PRKAR2B: variants seen among roughly 807,000 people sequenced by gnomAD.
The protein encoded by PRKAR2B is cAMP-dependent protein kinase type II-beta regulatory subunit.
Under a neutral mutation model 49.9 loss-of-function variants are expected in PRKAR2B, and 14 were observed. That is an observed-to-expected ratio of 0.28 (90% confidence interval 0.19 to 0.44). PRKAR2B has a LOEUF of 0.44. PRKAR2B is among the 20% of genes least tolerant of loss of function. PRKAR2B has a pLI of 1.00. For synonymous variants in PRKAR2B, 196 were observed against 197.7 expected (o/e 0.99, Z 0.07); for missense variants, 393 against 537.9 (o/e 0.73, Z 2.67).
At chr7:107,101,453 A>G (rs1337382806) in intron 2 of PRKAR2B, among the ~76,000 whole-genome samples, 1 of 152,164 alleles carries the variant, frequency 6.6e-6, no homozygotes, top group African/African-American at 2.4e-5. Flanking sequence ...GCCTAGAGAT[A>G]TGTAGAGGGC....
intron 1 of PRKAR2B, among the ~76,000 whole-genome samples, chr7:107,059,028 G>T (rs548990124): frequency 2.0e-5 from 3 of 152,154 alleles, no homozygotes; most frequent in Non-Finnish European, 4.4e-5. Context: ...GCTCACGCCT[G>T]TATTCCCAGC....
At chr7:107,099,328 A>G (rs1001497292) in intron 2 of PRKAR2B, among the ~76,000 whole-genome samples, 19 of 152,190 alleles carry the variant, frequency 1.2e-4, no homozygotes, top group African/African-American at 4.6e-4. Context: ...GGCGCGGGAT[A>G]TAATCTCCTG....
At chr7:107,092,637 A>G (rs1011596926) in intron 2 of PRKAR2B, among the ~76,000 whole-genome samples, 3 of 152,102 alleles carry the variant, frequency 2.0e-5, no homozygotes, top group Non-Finnish European at 4.4e-5. Flanking sequence ...GAAGAGCAAA[A>G]ATTTATGTTT....
At chr7:107,134,961 A>G (rs909351721) in intron 4 of PRKAR2B, among the ~76,000 whole-genome samples, 1 of 152,186 alleles carries the variant, frequency 6.6e-6, no homozygotes, top group African/African-American at 2.4e-5. Flanking sequence ...ATAAGCAGAA[A>G]AGAAAAAAGA....
At chr7:107,068,572 C>T (rs1171219205) in intron 1 of PRKAR2B, 1 of 151,960 alleles carries the variant, frequency 6.6e-6, no homozygotes, top group East Asian at 1.9e-4. Flanking sequence ...TGTGACTGTG[C>T]AAGTATATGA....
At chr7:107,116,283 T>C (rs1190903902) in intron 2 of PRKAR2B, among the ~76,000 whole-genome samples, 1 of 152,194 alleles carries the variant, frequency 6.6e-6, no homozygotes, top group Non-Finnish European at 1.5e-5. Context: ...GTTAATTCTT[T>C]AGGGAACCTC....
chr7:107,134,779 A>AT (rs1469754918), intron 4 of PRKAR2B, among the ~76,000 whole-genome samples: 2 of 152,222 alleles, frequency 1.3e-5, no homozygotes, highest in Non-Finnish European at 2.9e-5. Flanking sequence ...GAATCCCTGG[A>AT]TATCCACACA....
At chr7:107,087,922 C>G (rs564914824) in intron 2 of PRKAR2B, among the ~76,000 whole-genome samples, 1 of 150,046 alleles carries the variant, frequency 6.7e-6, no homozygotes, top group African/African-American at 2.4e-5. Context: ...TATTTTAACT[C>G]AGGGTCCTCA....
intron 1 of PRKAR2B, 147 bp from the exon 2 acceptor site, chr7:107,070,134 A>T: frequency 2.0e-6 from 1 of 511,900 alleles, no homozygotes; most frequent in Non-Finnish European, 3.4e-6. Flanking sequence ...TTCAGCATTT[A>T]ATTTTTGTAT....
At chr7:107,129,491 G>T (rs59681798) in intron 4 of PRKAR2B, among the ~76,000 whole-genome samples, 10 of 152,252 alleles carry the variant, frequency 6.6e-5, no homozygotes, top group South Asian at 2.1e-4. Flanking sequence ...GGCCCTGTAC[G>T]CGCACTAGGC....
chr7:107,121,804 G>A (rs1795393903), intron 2 of PRKAR2B, 148 bp from the exon 3 acceptor site: 1 of 408,722 alleles, frequency 2.4e-6, no homozygotes, highest in East Asian at 3.7e-5. Context: ...AACCAATTTT[G>A]GGGGGTAGAC....
chr7:107,153,382 C>T, intron 8 of PRKAR2B, 131 bp downstream of exon 8: 2 of 535,778 alleles, frequency 3.7e-6, no homozygotes, highest in East Asian at 3.2e-5. Context: ...ATTACTTCTA[C>T]CAAATGACCT....
intron 2 of PRKAR2B, among the ~76,000 whole-genome samples, chr7:107,085,366 C>T (rs1024393449): frequency 1.3e-5 from 2 of 152,100 alleles, no homozygotes; most frequent in African/African-American, 2.4e-5. Context: ...TCATGTTTCT[C>T]ACTGTAAGGT....
chr7:107,068,143 G>A (rs1211446561), intron 1 of PRKAR2B, among the ~76,000 whole-genome samples: 1 of 152,144 alleles, frequency 6.6e-6, no homozygotes, highest in African/African-American at 2.4e-5. Flanking sequence ...TGCCACCTTT[G>A]TGGAAAACCT....
At chr7:107,082,914 G>C (rs2116790671) in intron 2 of PRKAR2B, among the ~76,000 whole-genome samples, 1 of 152,236 alleles carries the variant, frequency 6.6e-6, no homozygotes, top group South Asian at 2.1e-4. Context: ...GATTGTTTTA[G>C]AAGGGATCTT....
At chr7:107,155,477 A>G (rs915288700) in intron 8 of PRKAR2B, among the ~76,000 whole-genome samples, 1 of 152,168 alleles carries the variant, frequency 6.6e-6, no homozygotes, top group African/African-American at 2.4e-5. Flanking sequence ...ACCAATCTAC[A>G]TTCCCACCAA....
intron 4 of PRKAR2B, among the ~76,000 whole-genome samples, chr7:107,138,226 A>G (rs1206902136): frequency 3.3e-5 from 5 of 152,326 alleles, no homozygotes; most frequent in East Asian, 1.9e-4. Flanking sequence ...AAACCCTAAT[A>G]TAAACTATGG....
chr7:107,154,739 T>C (rs1312830577), intron 8 of PRKAR2B, among the ~76,000 whole-genome samples: 7 of 152,232 alleles, frequency 4.6e-5, no homozygotes, highest in Non-Finnish European at 8.8e-5. Flanking sequence ...AGTCAGTGTC[T>C]GTATTATTAT....
chr7:107,104,972 A>G (rs1472782076), intron 2 of PRKAR2B, among the ~76,000 whole-genome samples: 1 of 152,138 alleles, frequency 6.6e-6, no homozygotes, highest in East Asian at 1.9e-4. Flanking sequence ...TCTGTTCCCC[A>G]TTTGATTTAC....
Sources: gnomAD v4.1 joint callset for allele counts (sites outside exome capture counted in the v4.1 genomes callset) on GRCh38, gnomAD v4.1.1 for gene constraint, MANE v1.5 for transcripts, NCBI Gene and HGNC (gene_info 2026-07-23, HGNC 2026-07-21) for gene names.